FBN2: variants seen among roughly 807,000 people sequenced by gnomAD.
FBN2 encodes fibrillin 2.
Under a neutral mutation model 355.6 loss-of-function variants are expected in FBN2, and 105 were observed. The ratio of observed to expected loss-of-function variants is 0.30; its 90% confidence interval spans 0.25 to 0.35. The LOEUF (loss-of-function observed/expected upper bound fraction) is 0.35. Among genes scored for constraint, FBN2 ranks in the 10% least tolerant of loss-of-function variants. FBN2 has a pLI of 1.00. For missense variants in FBN2, 3,280 were observed against 3,758.7 expected, an observed-to-expected ratio of 0.87 and a Z score of 3.33; for synonymous variants, 1,350 against 1,301.2, an observed-to-expected ratio of 1.04 and a Z score of -0.81.
intron 48 of FBN2, among the ~76,000 whole-genome samples, chr5:128,299,526 G>A (rs1305531100): frequency 2.0e-5 from 3 of 151,944 alleles, no homozygotes; most frequent in African/African-American, 7.3e-5. Context: ...ATCTCCTGGT[G>A]CGCCGTTTTT....
intron 2 of FBN2, among the ~76,000 whole-genome samples, chr5:128,533,289 C>T (rs537394903): frequency 2.0e-5 from 3 of 152,246 alleles, no homozygotes; most frequent in African/African-American, 7.2e-5. Flanking sequence ...TACCTCCACC[C>T]GGGTTCCAAA....
intron 11 of FBN2, among the ~76,000 whole-genome samples, chr5:128,390,824 A>C (rs1054149916): frequency 2.0e-5 from 3 of 152,236 alleles, no homozygotes; most frequent in Non-Finnish European, 2.9e-5. Context: ...GAAAAGGAAC[A>C]GACTGTATAT....
rs186222844 is a variant in FBN2, at chr5:128,503,762, T to A, written c.628+15511A>T. On this transcript the variant is annotated intron_variant, in intron 5 of 64. Transcript: ENST00000262464. ...ATGTGATAGAAAAGAAAACACCATT[T>A]TCTGGGGAGAAATTCAAGCCAGCTG... Among the ~76,000 whole-genome samples, 600 of 152,300 alleles carry A rather than the reference T, an allele frequency of 3.9e-3. 3 individuals are homozygous for A. The highest frequency in any genetic ancestry group is 0.014 in the African/African-American group (567 of 41,568).
intron 11 of FBN2, among the ~76,000 whole-genome samples, chr5:128,390,576 T>G (rs573935315): frequency 6.6e-6 from 1 of 152,334 alleles, no homozygotes; most frequent in African/African-American, 2.4e-5. Context: ...TGAATATACA[T>G]TTTTAAAATA....
chr5:128,365,031 C>T (rs1029582532), intron 17 of FBN2: 50 of 263,536 alleles, frequency 1.9e-4, no homozygotes, highest in Non-Finnish European at 3.4e-4. Context: ...AGGCTGTTGG[C>T]TCCAAATCCA....
chr5:128,264,695 T>C (rs933528846), intron 62 of FBN2, among the ~76,000 whole-genome samples: 4 of 152,186 alleles, frequency 2.6e-5, no homozygotes, highest in African/African-American at 9.7e-5. Context: ...TGTGACTCCA[T>C]GTGGAGCAAA....
intron 18 of FBN2, among the ~76,000 whole-genome samples, 175 bp from the exon 19 acceptor site, chr5:128,362,023 G>GGAT (rs768010572): frequency 8.5e-5 from 13 of 152,054 alleles, no homozygotes; most frequent in Non-Finnish European, 4.4e-5. Context: ...TATTCAAATG[G>GGAT]GATATTCTTA....
rs2126931171 is a variant in FBN2, at chr5:128,357,157, C to T, written c.2674+119G>A. 2.4e-6 allele frequency: 3 copies of T among 1,266,772 alleles called. No homozygotes were observed. The South Asian group carries it at 3.7e-5, about 16-fold the overall frequency. 78.5% of individuals were successfully genotyped at this position (1,266,772 alleles called of 1,614,324 possible). On this transcript the variant is annotated intron_variant, in intron 20 of 64. Transcript: ENST00000262464. Reference sequence around the variant, plus strand: ...ATTGATATTGAGTAAAAACAACTAACATAATGTGTAATTCTTTGCTTTTTG... The same window carrying T: ...ATTGATATTGAGTAAAAACAACTAATATAATGTGTAATTCTTTGCTTTTTG...
intron 51 of FBN2, 91 bp from the exon 52 acceptor site, chr5:128,289,343 G>A: frequency 7.2e-7 from 1 of 1,379,444 alleles, no homozygotes. Context: ...CAGCACTTTG[G>A]GAGGCCGAGG....
rs116301007 is a variant in FBN2, at chr5:128,319,987, A to G, written c.4472-986T>C. ...CAGTTATATCTTAAGTCTAAACAAG[A>G]CTTCTTTGGTCATTCTTCCCAGTTA... On this transcript the variant is annotated intron_variant, in intron 34 of 64. Coordinates refer to ENST00000262464, the MANE Select transcript of FBN2 (RefSeq NM_001999.4). 2.4e-3 allele frequency among the ~76,000 whole-genome samples: 358 copies of G among 152,268 alleles called. 2 individuals are homozygous for G. Among genetic ancestry groups the G allele is most frequent in the Non-Finnish European group, 3.7e-3 (252 of 68,024 alleles).
intron 9 of FBN2, among the ~76,000 whole-genome samples, chr5:128,394,711 C>G (rs1325780423): frequency 6.6e-6 from 1 of 152,114 alleles, no homozygotes; most frequent in Non-Finnish European, 1.5e-5. Flanking sequence ...TCACACTCCC[C>G]ACAAAAACAC....
At chr5:128,346,143 A>G (rs536501271) in intron 23 of FBN2, among the ~76,000 whole-genome samples, 104 of 152,230 alleles carry the variant, frequency 6.8e-4, no homozygotes, top group African/African-American at 2.3e-3. Flanking sequence ...TAAGGGACCA[A>G]TTATTTGTTT....
At chr5:128,350,053 A>C in intron 21 of FBN2, 48 bp from the exon 22 acceptor site, 2 of 1,429,156 alleles carry the variant, frequency 1.4e-6, no homozygotes, top group Non-Finnish European at 2.0e-6. Flanking sequence ...AATAAAATAC[A>C]ACCATGGTAT....
At chr5:128,535,063 T>C (rs1003644310) in intron 2 of FBN2, among the ~76,000 whole-genome samples, 2 of 152,222 alleles carry the variant, frequency 1.3e-5, no homozygotes, top group Non-Finnish European at 2.9e-5. Flanking sequence ...ATGCCTCACA[T>C]ATGACTTCTG....
intron 6 of FBN2, among the ~76,000 whole-genome samples, chr5:128,460,031 T>C (rs2127077512): frequency 6.6e-6 from 1 of 152,314 alleles, no homozygotes; most frequent in Non-Finnish European, 1.5e-5. Flanking sequence ...ATTGTATCTG[T>C]TTGCAGATGA....
intron 4 of FBN2, among the ~76,000 whole-genome samples, chr5:128,521,023 C>A (rs1391855900): frequency 6.6e-6 from 1 of 152,072 alleles, no homozygotes; most frequent in Non-Finnish European, 1.5e-5. Flanking sequence ...TGCAGTAATT[C>A]CATAGAAACA....
chr5:128,532,907 G>C (rs1323006228), intron 2 of FBN2, among the ~76,000 whole-genome samples: 1 of 152,104 alleles, frequency 6.6e-6, no homozygotes, highest in Non-Finnish European at 1.5e-5. Flanking sequence ...TTGCACATTG[G>C]CATGTGCCCA....
At chr5:128,312,867 C>A in intron 36 of FBN2, 72 bp from the exon 37 acceptor site, 2 of 1,540,918 alleles carry the variant, frequency 1.3e-6, no homozygotes, top group Non-Finnish European at 8.9e-7. Flanking sequence ...GGAAAAGTCA[C>A]TCAAAGGATG....
chr5:128,400,579 C>A (rs1303398571), intron 8 of FBN2, among the ~76,000 whole-genome samples: 2 of 152,062 alleles, frequency 1.3e-5, no homozygotes, highest in East Asian at 1.9e-4. Flanking sequence ...TTTTCAAGTC[C>A]ATAGGGAAGA....
Sources: allele counts gnomAD v4.1 joint callset (sites outside exome capture counted in the v4.1 genomes callset), GRCh38; gene constraint gnomAD v4.1.1; transcripts MANE v1.5; gene names NCBI Gene and HGNC (gene_info 2026-07-23, HGNC 2026-07-21).